Variants in PDE4D observed in about 807,000 individuals in gnomAD.
PDE4D encodes the protein 3',5'-cyclic-AMP phosphodiesterase 4D.
In PDE4D, 24 loss-of-function variants were observed where a neutral mutation model predicts 87.4. That is an observed-to-expected ratio of 0.27 (90% CI 0.20 to 0.39). The LOEUF is 0.39. PDE4D is among the 10% of genes least tolerant of loss of function. The pLI is 1.00. For synonymous variants in PDE4D, 384 were observed against 383.2 expected (o/e 1.00, Z -0.02); for missense variants, 714 against 1,041.0 (o/e 0.69, Z 4.32).
chr5:59,146,616 T>C (rs1466296608), intron 5 of PDE4D, among the ~76,000 whole-genome samples: 1 of 152,138 alleles, frequency 6.6e-6, no homozygotes, highest in Non-Finnish European at 1.5e-5. Context: ...TGCAAATTCT[T>C]GAAAGATACT....
chr5:59,198,820 G>T (rs1417227331), intron 2 of PDE4D, among the ~76,000 whole-genome samples: 1 of 151,940 alleles, frequency 6.6e-6, no homozygotes, highest in East Asian at 1.9e-4. Flanking sequence ...AAACAAGCAA[G>T]AAACTAAAAG....
At chr5:60,102,361 C>A (rs1776305745) in intron 2 of PDE4D, among the ~76,000 whole-genome samples, 1 of 151,940 alleles carries the variant, frequency 6.6e-6, no homozygotes, top group African/African-American at 2.4e-5. Context: ...TGTCACTCGA[C>A]CAAGCCTTTT....
chr5:60,058,814 C>T (rs1467666839), intron 2 of PDE4D, among the ~76,000 whole-genome samples: 3 of 151,868 alleles, frequency 2.0e-5, no homozygotes, highest in Non-Finnish European at 2.9e-5. Context: ...CGAGAGATAC[C>T]GTATGAAAGC....
chr5:59,702,836 C>T (rs80206104), intron 1 of PDE4D, among the ~76,000 whole-genome samples: 4 of 138,646 alleles, frequency 2.9e-5, no homozygotes, highest in South Asian at 4.5e-4. Context: ...TGCCACTGCA[C>T]TCCAGCCTGG....
upstream of PDE4D, among the ~76,000 whole-genome samples, chr5:59,893,965 G>A (rs1166426296): frequency 6.6e-6 from 1 of 152,112 alleles, no homozygotes; most frequent in Non-Finnish European, 1.5e-5. Context: ...TTTGGGCGCC[G>A]GCGGCGAGAG....
intron 3 of PDE4D, among the ~76,000 whole-genome samples, chr5:59,975,106 T>C (rs1340168265): frequency 6.6e-6 from 1 of 152,208 alleles, no homozygotes; most frequent in African/African-American, 2.4e-5. Context: ...TTGACATCTA[T>C]GCCAATCAAC....
chr5:59,393,230 T>C (rs974066394), intron 1 of PDE4D, among the ~76,000 whole-genome samples: 6 of 152,104 alleles, frequency 3.9e-5, no homozygotes, highest in Admixed American at 6.5e-5. Context: ...TCAAAGGTAT[T>C]TGACAACAAA....
At chr5:59,060,776 G>T (rs979374438) in intron 5 of PDE4D, among the ~76,000 whole-genome samples, 1 of 152,076 alleles carries the variant, frequency 6.6e-6, no homozygotes, top group African/African-American at 2.4e-5. Context: ...TAAACTGCTT[G>T]CTCCAAAACT....
chr5:59,361,331 A>G (rs1279319484), intron 1 of PDE4D, among the ~76,000 whole-genome samples: 1 of 152,214 alleles, frequency 6.6e-6, no homozygotes. Flanking sequence ...CTTGAAATCA[A>G]TGTAGACTAA....
intron 1 of PDE4D, among the ~76,000 whole-genome samples, chr5:60,436,644 G>A (rs1435531246): frequency 1.3e-5 from 2 of 152,056 alleles, no homozygotes; most frequent in Non-Finnish European, 2.9e-5. Flanking sequence ...ATTGCCCACT[G>A]CCTAAGCTAC....
chr5:59,376,250 G>T (rs1312137011), intron 1 of PDE4D, among the ~76,000 whole-genome samples: 1 of 152,106 alleles, frequency 6.6e-6, no homozygotes, highest in Non-Finnish European at 1.5e-5. Context: ...AACTATCCCA[G>T]TTTGCAGATT....
chr5:59,015,667 C>T (rs1388194854), intron 6 of PDE4D, among the ~76,000 whole-genome samples: 1 of 152,208 alleles, frequency 6.6e-6, no homozygotes, highest in Non-Finnish European at 1.5e-5. Context: ...CACTTTTACA[C>T]TGTTGGTGGG....
intron 5 of PDE4D, among the ~76,000 whole-genome samples, chr5:59,069,562 G>A (rs1385278485): frequency 6.6e-6 from 1 of 150,728 alleles, no homozygotes; most frequent in African/African-American, 2.4e-5. Flanking sequence ...CCTTCCCTGG[G>A]TGATTCCTGA....
chr5:59,708,021 G>A (rs555695126), intron 1 of PDE4D, among the ~76,000 whole-genome samples: 2 of 152,216 alleles, frequency 1.3e-5, no homozygotes, highest in South Asian at 4.2e-4. Context: ...CTAGATCTTT[G>A]AGGAATCGCC....
At chr5:59,381,868 C>G (rs1032831107) in intron 1 of PDE4D, among the ~76,000 whole-genome samples, 2 of 151,924 alleles carry the variant, frequency 1.3e-5, no homozygotes, top group East Asian at 3.9e-4. Flanking sequence ...TTCAAAGGTA[C>G]ATGTCAGCAA....
At position 59,465,602 on chromosome 5, in the gene PDE4D, T is replaced by C. The variant is rs529059243; in HGVS notation, c.456-249634A>G. 4.6e-5 allele frequency among the ~76,000 whole-genome samples: 7 copies of C among 152,326 alleles called. No homozygotes were observed. The East Asian group carries it at 1.3e-3, about 29-fold the overall frequency. On this transcript the variant is annotated intron_variant, in intron 1 of 14. Coordinates refer to ENST00000340635, the MANE Select transcript of PDE4D (RefSeq NM_001104631.2). ...AGTTGTCTGTTTCTTCTCATCATTA[T>C]TTACCCAACATCCAGCATGAAACCA...
intron 5 of PDE4D, among the ~76,000 whole-genome samples, chr5:59,161,355 G>A (rs1054142564): frequency 2.6e-5 from 4 of 152,162 alleles, no homozygotes; most frequent in Non-Finnish European, 5.9e-5. Context: ...TGGAAAGCGG[G>A]AAAACTCAAA....
Position 58,970,449 on chromosome 5 carries a change from G to A in PDE4D, c.*4215C>T, listed in dbSNP as rs1742418900. On this transcript the variant is annotated 3_prime_UTR_variant, in exon 15 of 15. Transcript: ENST00000340635. The stretch of plus-strand genomic sequence containing the variant: ...TTCACTGAAAAGCCACATGATTCAA[G>A]GGCTGGGCAAGTACTGGGAGGATGT... 1 of 152,102 alleles carries A rather than the reference G, an allele frequency of 6.6e-6. No individual in the cohort carries two copies. Among genetic ancestry groups the A allele is most frequent in the South Asian group, 2.1e-4 (1 of 4,828 alleles). 9.4% of individuals were successfully genotyped at this position (152,102 alleles called of 1,614,324 possible).
intron 1 of PDE4D, among the ~76,000 whole-genome samples, chr5:60,260,620 GC>G (rs1749550423): frequency 6.6e-6 from 1 of 152,016 alleles, no homozygotes; most frequent in Non-Finnish European, 1.5e-5. Flanking sequence ...GTTCCCTAAG[GC>G]GGTCATGTTC....
Sources: allele counts gnomAD v4.1 joint callset (sites outside exome capture counted in the v4.1 genomes callset), GRCh38; gene constraint gnomAD v4.1.1; transcripts MANE v1.5; gene names NCBI Gene and HGNC (gene_info 2026-07-23, HGNC 2026-07-21).